The following RGS17 variants were observed in gnomAD, a reference collection of about 807,000 sequenced individuals.
The protein encoded by RGS17 is regulator of G-protein signaling 17.
A neutral mutation model predicts 25.5 loss-of-function variants in RGS17; 12 were observed. The ratio of observed to expected loss-of-function variants is 0.47; its 90% CI spans 0.30 to 0.76. The LOEUF (loss-of-function observed/expected upper bound fraction) is 0.76, where lower values mean the gene tolerates loss of function less well. RGS17 is among the 30% of genes least tolerant of loss of function. The pLI is 0.07. For synonymous variants in RGS17, 71 were observed against 76.9 expected, an observed-to-expected ratio of 0.92 and a Z score of 0.40; for missense variants, 196 against 242.2, an observed-to-expected ratio of 0.81 and a Z score of 1.27.
At chr6:153,105,471 A>G (rs776120812) in intron 1 of RGS17, among the ~76,000 whole-genome samples, 8 of 152,196 alleles carry the variant, frequency 5.3e-5, no homozygotes, top group Non-Finnish European at 8.8e-5. Context: ...AAGATGATTT[A>G]GTTGCCACTC....
At chr6:153,017,990 C>T (rs563745113) in intron 4 of RGS17, among the ~76,000 whole-genome samples, 2 of 152,220 alleles carry the variant, frequency 1.3e-5, no homozygotes, top group South Asian at 4.1e-4. Flanking sequence ...ACTTTGTGTA[C>T]ATTTAGTCAC....
chr6:153,063,642 T>A (rs765553503), intron 1 of RGS17, among the ~76,000 whole-genome samples: 1 of 151,882 alleles, frequency 6.6e-6, no homozygotes, highest in African/African-American at 2.4e-5. Context: ...AGAGAGAAGG[T>A]AGAGAAAGAG....
At chr6:153,018,763 C>G (rs899336627) in intron 4 of RGS17, among the ~76,000 whole-genome samples, 1 of 152,178 alleles carries the variant, frequency 6.6e-6, no homozygotes, top group Non-Finnish European at 1.5e-5. Context: ...CATCATATCC[C>G]CAACATCTAG....
intron 1 of RGS17, among the ~76,000 whole-genome samples, chr6:153,105,807 C>T (rs1466515523): frequency 6.6e-6 from 1 of 152,188 alleles, no homozygotes; most frequent in Non-Finnish European, 1.5e-5. Flanking sequence ...CAAGGACAGA[C>T]AGGCAGAAGG....
At chr6:153,061,022 A>G (rs1178098427) in intron 1 of RGS17, among the ~76,000 whole-genome samples, 1 of 152,212 alleles carries the variant, frequency 6.6e-6, no homozygotes, top group African/African-American at 2.4e-5. Context: ...GTGAGCACTT[A>G]GGTTCTCTAA....
At chr6:153,103,615 G>A (rs1777337886) in intron 1 of RGS17, among the ~76,000 whole-genome samples, 2 of 152,192 alleles carry the variant, frequency 1.3e-5, no homozygotes. Flanking sequence ...AAACACACAG[G>A]TAGAGAGACC....
At chr6:153,036,258 G>A (rs1776238025) in intron 2 of RGS17, among the ~76,000 whole-genome samples, 1 of 152,056 alleles carries the variant, frequency 6.6e-6, no homozygotes, top group East Asian at 1.9e-4. Flanking sequence ...TCACTATGTT[G>A]CCTAGGCTGG....
intron 1 of RGS17, among the ~76,000 whole-genome samples, chr6:153,072,526 T>G (rs1267832562): frequency 2.0e-5 from 3 of 152,228 alleles, no homozygotes; most frequent in African/African-American, 7.2e-5. Flanking sequence ...ACTTCGTTAC[T>G]GGATGTCCAG....
intron 1 of RGS17, among the ~76,000 whole-genome samples, chr6:153,095,444 A>G (rs1562332622): frequency 6.6e-6 from 1 of 152,158 alleles, no homozygotes; most frequent in Non-Finnish European, 1.5e-5. Flanking sequence ...GGAAAAATGC[A>G]CACTTAAAAA....
At chr6:153,107,389 C>T (rs536802984) in intron 1 of RGS17, among the ~76,000 whole-genome samples, 1 of 152,218 alleles carries the variant, frequency 6.6e-6, no homozygotes, top group Admixed American at 6.5e-5. Context: ...TCTCCAAACA[C>T]CTAATATTGT....
rs552487936 is a variant in RGS17, at chr6:153,105,460, A to G, written c.-26+25664T>C. 1.3e-3 allele frequency among the ~76,000 whole-genome samples: 191 copies of G among 152,288 alleles called. 1 individual carries two copies. Among genetic ancestry groups the G allele is most frequent in the Middle Eastern group, 6.8e-3 (2 of 294 alleles). On this transcript the variant is annotated intron_variant, in intron 1 of 4. Transcript: ENST00000206262. Reference sequence around the variant, plus strand: ...AAAAATAAAATAAAATAAAAAATAAAAAGATGATTTAGTTGCCACTCACAA... The same window carrying G: ...AAAAATAAAATAAAATAAAAAATAAGAAGATGATTTAGTTGCCACTCACAA...
intron 1 of RGS17, among the ~76,000 whole-genome samples, chr6:153,097,498 A>G (rs1315107763): frequency 6.6e-6 from 1 of 151,960 alleles, no homozygotes; most frequent in Non-Finnish European, 1.5e-5. Flanking sequence ...TTAAGGGACT[A>G]AAGAACAGTA....
rs1387920418 is a variant in RGS17, at chr6:153,009,183, C to T, written c.*2391G>A. 6.6e-6 allele frequency: 1 copy of T among 151,994 alleles called. No homozygotes were observed. Among genetic ancestry groups the T allele is most frequent in the Non-Finnish European group, 1.5e-5 (1 of 67,950 alleles). The allele number at this position is 151,994 out of a possible 1,614,324, so 9.4% of individuals were successfully genotyped here. ...TCAAACAGACAATTCATCTAATAGT[C>T]CAAAGTATCTTATAAAGATAACTTA... is the stretch of plus-strand genomic sequence containing the variant. On this transcript the variant is annotated 3_prime_UTR_variant, in exon 5 of 5. Coordinates refer to ENST00000206262, the MANE Select transcript of RGS17 (RefSeq NM_012419.5).
intron 2 of RGS17, among the ~76,000 whole-genome samples, chr6:153,032,866 C>T (rs1182193663): frequency 6.6e-6 from 1 of 152,152 alleles, no homozygotes; most frequent in Admixed American, 6.5e-5. Flanking sequence ...GATAAGAAGT[C>T]GTTTTGCATT....
intron 2 of RGS17, among the ~76,000 whole-genome samples, chr6:153,029,606 T>TTTTTG (rs1562315379): frequency 1.3e-5 from 2 of 152,072 alleles, no homozygotes; most frequent in African/African-American, 4.8e-5. Context: ...TCTTTTTTTT[T>TTTTTG]TTAAGACGGA....
At chr6:153,092,406 AAT>A (rs1289264157) in intron 1 of RGS17, among the ~76,000 whole-genome samples, 1 of 152,200 alleles carries the variant, frequency 6.6e-6, no homozygotes, top group African/African-American at 2.4e-5. Flanking sequence ...GTTTCTTACC[AAT>A]ATGTTTCATG....
intron 1 of RGS17, among the ~76,000 whole-genome samples, chr6:153,093,226 T>C (rs906596806): frequency 6.6e-6 from 1 of 152,176 alleles, no homozygotes; most frequent in Non-Finnish European, 1.5e-5. Context: ...ACAGTGGCTA[T>C]TGTGTGAATG....
At chr6:153,034,836 G>C (rs1776218271) in intron 2 of RGS17, among the ~76,000 whole-genome samples, 1 of 152,122 alleles carries the variant, frequency 6.6e-6, no homozygotes, top group Non-Finnish European at 1.5e-5. Flanking sequence ...CAGTTAAATG[G>C]CTCTGTACTT....
chr6:153,051,575 ATT>A (rs1776462045), intron 1 of RGS17, among the ~76,000 whole-genome samples: 1 of 152,156 alleles, frequency 6.6e-6, no homozygotes, highest in Non-Finnish European at 1.5e-5. Context: ...TTGTGTTCAT[ATT>A]ATTAGTGTTT....
Sources: allele counts gnomAD v4.1 joint callset (sites outside exome capture counted in the v4.1 genomes callset), GRCh38; gene constraint gnomAD v4.1.1; transcripts MANE v1.5; gene names NCBI Gene and HGNC (gene_info 2026-07-23, HGNC 2026-07-21).